Variants in IRAG1 observed in about 807,000 individuals in gnomAD.
The protein encoded by IRAG1 is IP3R-associated cGMP kinase substrate.
Under a neutral mutation model 106.2 loss-of-function variants are expected in IRAG1, and 62 were observed. The observed-to-expected ratio is 0.58, with a 90% CI of 0.48 to 0.72. The LOEUF is 0.72. Among genes scored for constraint, IRAG1 ranks in the 30% least tolerant of loss-of-function variants. The pLI is 0.00. For synonymous variants in IRAG1, 462 were observed against 443.9 expected (o/e 1.04, Z -0.51); for missense variants, 1,064 against 1,140.7 (o/e 0.93, Z 0.97).
At chr11:10,691,394 T>TA (rs1190181467) in intron 1 of IRAG1, among the ~76,000 whole-genome samples, 2 of 152,110 alleles carry the variant, frequency 1.3e-5, no homozygotes, top group Non-Finnish European at 2.9e-5. Context: ...TACAAAGACT[T>TA]AGAGGAGAAA....
In IRAG1 at chr11:10,633,462, G is replaced by A. The variant is rs541135680; in HGVS notation, c.329+506C>T. Among the ~76,000 whole-genome samples, 7 of 152,280 alleles carry A rather than the reference G, an allele frequency of 4.6e-5. No individual in the cohort carries two copies. The South Asian group carries it at 8.3e-4, about 18-fold the overall frequency. ...GGCTAGTGCTCTGTGAAACCAAGGC[G>A]GAGACATTCCTCTACCTGTGAGCCC... On this transcript the variant is annotated intron_variant, in intron 3 of 20. Transcript: ENST00000423302.
chr11:10,667,962 G>C (rs1859914148), intron 1 of IRAG1, among the ~76,000 whole-genome samples: 1 of 152,182 alleles, frequency 6.6e-6, no homozygotes, highest in Non-Finnish European at 1.5e-5. Context: ...TCTGCTCTGA[G>C]ACTGCCAAAC....
intron 1 of IRAG1, chr11:10,687,518 C>A: frequency 2.1e-6 from 1 of 480,624 alleles, no homozygotes; most frequent in South Asian, 3.2e-5. Context: ...CCTGTTGATC[C>A]AAACACTTTC....
chr11:10,652,212 T>C, intron 1 of IRAG1, 30 bp from the exon 2 acceptor site: 2 of 1,610,306 alleles, frequency 1.2e-6, no homozygotes, highest in Non-Finnish European at 8.5e-7. Flanking sequence ...ACAAGTCAAA[T>C]CCATTCCCAT....
intron 10 of IRAG1, among the ~76,000 whole-genome samples, chr11:10,614,675 AAAAC>A (rs1855250985): frequency 6.6e-6 from 1 of 152,250 alleles, no homozygotes; most frequent in African/African-American, 2.4e-5. Flanking sequence ...AAACCTGACA[AAAAC>A]AAGAAATGGG....
rs761553369 is a variant in IRAG1 at position 10,603,180 on chromosome 11, G to A, written c.1815C>T (p.Val605=). 2 of 1,610,930 alleles carry A rather than the reference G, an allele frequency of 1.2e-6. No homozygotes were observed. The highest frequency in any genetic ancestry group is 1.7e-5 in the Admixed American group (1 of 59,688). ...AGAGGCGGGCAGCCAGGCGGTGCAG[G>A]ACAGCGATGTCCTCCAGCAACTTCT... ...TYQKLLEDIA[V]LHRLAARLSS... is the part of the protein sequence containing the mutation. The change falls in exon 14 of 21, where the codon GTC becomes GTT. Residue 605 remains valine, a synonymous_variant. Coordinates refer to ENST00000423302, the MANE Select transcript of IRAG1 (RefSeq NM_130385.4).
chr11:10,636,252 G>A (rs532769621), intron 2 of IRAG1, among the ~76,000 whole-genome samples: 1 of 152,296 alleles, frequency 6.6e-6, no homozygotes, highest in African/African-American at 2.4e-5. Flanking sequence ...ATAGCTCGTT[G>A]TAGCCTCTGC....
intron 2 of IRAG1, among the ~76,000 whole-genome samples, chr11:10,651,597 C>G (rs1858512196): frequency 6.6e-6 from 1 of 152,180 alleles, no homozygotes; most frequent in Admixed American, 6.5e-5. Context: ...TAAAATTTCA[C>G]TGAAAACCTT....
chr11:10,597,925 C>CT (rs1270963618), intron 15 of IRAG1, among the ~76,000 whole-genome samples: 4 of 152,230 alleles, frequency 2.6e-5, no homozygotes, highest in Non-Finnish European at 4.4e-5. Flanking sequence ...TCTTGCTGTT[C>CT]TTTTCAAATC....
chr11:10,580,665 G>C, intron 19 of IRAG1, 76 bp from the exon 20 acceptor site: 3 of 1,518,004 alleles, frequency 2.0e-6, no homozygotes. Context: ...CTAGGGGAGG[G>C]GACTTGAGCA....
chr11:10,593,705 C>T (rs1456071425), intron 16 of IRAG1, 106 bp from the exon 17 acceptor site: 1 of 880,662 alleles, frequency 1.1e-6, no homozygotes, highest in Non-Finnish European at 1.7e-6. Context: ...TAATGGCATT[C>T]ACTGGATATT....
intron 2 of IRAG1, among the ~76,000 whole-genome samples, chr11:10,648,647 T>G (rs60777240): frequency 0.041 from 6,228 of 152,262 alleles, 391 homozygotes; most frequent in African/African-American, 0.14. Flanking sequence ...CTCTTCCCTT[T>G]GAGTCTCTCC....
chr11:10,652,002 G>A (rs1858552931), intron 2 of IRAG1, 23 bp downstream of exon 2: 1 of 1,542,014 alleles, frequency 6.5e-7, no homozygotes, highest in Non-Finnish European at 8.7e-7. Context: ...CAGGCTAGCT[G>A]AGGGCAGGGA....
At chr11:10,662,724 CGGGA>C (rs1859495570) in intron 1 of IRAG1, among the ~76,000 whole-genome samples, 1 of 152,204 alleles carries the variant, frequency 6.6e-6, no homozygotes, top group African/African-American at 2.4e-5. Context: ...AGAGCAGAGC[CGGGA>C]GGCTTTGCAA....
At chr11:10,600,776 G>T (rs1225733904) in intron 15 of IRAG1, 142 bp downstream of exon 15, 5 of 1,088,496 alleles carry the variant, frequency 4.6e-6, no homozygotes, top group Non-Finnish European at 6.4e-6. Flanking sequence ...GCTGCTGGGA[G>T]GCCCCTGTGG....
At chr11:10,641,951 C>T (rs1857547262) in intron 2 of IRAG1, among the ~76,000 whole-genome samples, 1 of 152,128 alleles carries the variant, frequency 6.6e-6, no homozygotes, top group Admixed American at 6.5e-5. Context: ...AGTTTTTGGT[C>T]TCACCTCCCC....
Position 10,615,981 on chromosome 11 carries a change from C to G in IRAG1, c.1448-6130G>C, listed in dbSNP as rs1232620931. ...GTGAAAAAAGCAAGGTTTGGAACAC[C>G]TTGTATAATATACTACGATTTATGT... is the stretch of plus-strand genomic sequence containing the variant. On this transcript the variant is annotated intron_variant, in intron 10 of 20. Transcript: ENST00000423302. 5.6e-5 allele frequency among the ~76,000 whole-genome samples: 8 copies of G among 144,098 alleles called. No individual in the cohort carries two copies. The Admixed American group carries it at 5.6e-4, about 10-fold the overall frequency. 94.5% of individuals were successfully genotyped at this position (144,098 alleles called of 152,430 possible).
In IRAG1 at chr11:10,581,962, A is replaced by G. The variant is rs1285413111; in HGVS notation, c.2265T>C (p.Asp755=). 2.5e-6 allele frequency: 4 copies of G among 1,613,504 alleles called. No homozygotes were observed. The highest frequency in any genetic ancestry group is 3.4e-6 in the Non-Finnish European group (4 of 1,179,690). Residue 755 remains aspartate, a synonymous_variant, in exon 19 of 21, where the codon GAT becomes GAC. Transcript: ENST00000423302. ...TCAGCGCAGGAGCAGAGGCTTCACA[A>G]TCTGGGTCCCCATTTGTCTTTCCAC... is the stretch of plus-strand genomic sequence containing the variant. ...LENGKTNGDP[D]CEASAPALTL...
intron 1 of IRAG1, among the ~76,000 whole-genome samples, chr11:10,664,047 G>A (rs560123348): frequency 6.6e-6 from 1 of 152,236 alleles, no homozygotes; most frequent in East Asian, 1.9e-4. Context: ...ACAGAACAAG[G>A]GTATTAGGAG....
Sources: allele counts gnomAD v4.1 joint callset (sites outside exome capture counted in the v4.1 genomes callset), GRCh38; gene constraint gnomAD v4.1.1; transcripts MANE v1.5; gene names NCBI Gene and HGNC (gene_info 2026-07-23, HGNC 2026-07-21).